The following SH3BP4 variants were observed in gnomAD, a reference collection of about 807,000 sequenced individuals.
The protein encoded by SH3BP4 is SH3 domain-binding protein 4.
In SH3BP4, 33 loss-of-function variants were observed where a neutral mutation model predicts 65.5. The observed-to-expected ratio is 0.50, with a 90% CI of 0.38 to 0.67. The LOEUF (loss-of-function observed/expected upper bound fraction) is 0.67, where lower values mean the gene tolerates loss of function less well. Ranked by LOEUF, SH3BP4 falls within the 30% of genes least tolerant of loss-of-function variation. SH3BP4 has a pLI of 0.00. For missense variants in SH3BP4, 1,134 were observed against 1,261.4 expected, an observed-to-expected ratio of 0.90 and a Z score of 1.53; for synonymous variants, 552 against 545.5, an observed-to-expected ratio of 1.01 and a Z score of -0.17.
At chr2:234,984,383 A>G (rs758334213) in intron 1 of SH3BP4, among the ~76,000 whole-genome samples, 32 of 150,726 alleles carry the variant, frequency 2.1e-4, no homozygotes, top group Non-Finnish European at 3.7e-4. Flanking sequence ...TTTTTTTTTA[A>G]CTTTTTGTAG....
Position 235,042,196 on chromosome 2 carries a change from T to C in SH3BP4, c.1427T>C (p.Val476Ala). 1 of 1,614,066 alleles carries C rather than the reference T, an allele frequency of 6.2e-7. No individual in the cohort carries two copies. Among genetic ancestry groups the C allele is most frequent in the Non-Finnish European group, 8.5e-7 (1 of 1,180,028 alleles). ...VWDFINKKVT[V>A]GLYGPKHIHP... is the part of the protein sequence containing the mutation. The stretch of plus-strand genomic sequence containing the variant: ...GACTTCATCAATAAAAAAGTCACAG[T>C]GGGTCTCTACGGCCCTAAACACATC... The change falls in exon 4 of 6, where the codon GTG becomes GCG. Residue 476 changes from valine (V) to alanine (A), a missense_variant. Transcript: ENST00000392011. The surrounding 1 kb of genome is among the most constrained non-coding windows in gnomAD (Gnocchi z 7.3).
chr2:234,960,388 A>G (rs1398724960), intron 1 of SH3BP4, among the ~76,000 whole-genome samples: 1 of 152,222 alleles, frequency 6.6e-6, no homozygotes, highest in Admixed American at 6.5e-5. Context: ...TTCAGTACAG[A>G]GCAGCAGCCA....
At position 235,026,845 on chromosome 2, in the gene SH3BP4, G is replaced by T. The variant is rs578103140; in HGVS notation, c.-132-8026G>T. 1.3e-4 allele frequency among the ~76,000 whole-genome samples: 20 copies of T among 152,244 alleles called. No homozygotes were observed. The highest frequency in any genetic ancestry group is 3.9e-4 in the East Asian group (2 of 5,158). The stretch of plus-strand genomic sequence containing the variant: ...CTGTGAGTGAGTCTGATCGGCTGGC[G>T]TGCCTGTCGGTGGCTGCCCATGCCT... On this transcript the variant is annotated intron_variant, in intron 2 of 5. Transcript: ENST00000392011. The surrounding 1 kb of genome is among the most constrained non-coding windows in gnomAD (Gnocchi z 4.6).
intron 4 of SH3BP4, among the ~76,000 whole-genome samples, chr2:235,051,269 C>T (rs912608314): frequency 6.6e-6 from 1 of 152,136 alleles, no homozygotes; most frequent in African/African-American, 2.4e-5. Context: ...TGTGACTTGG[C>T]ACAGTGTACA....
chr2:234,990,835 C>T (rs558140434), intron 1 of SH3BP4, among the ~76,000 whole-genome samples: 1 of 152,330 alleles, frequency 6.6e-6, no homozygotes, highest in Non-Finnish European at 1.5e-5. Flanking sequence ...CCTTCTGAGG[C>T]TGAGGGAGAA....
chr2:235,002,317 A>G (rs901074179), intron 2 of SH3BP4, among the ~76,000 whole-genome samples: 16 of 152,200 alleles, frequency 1.1e-4, no homozygotes, highest in African/African-American at 2.7e-4. Context: ...TAGTTTGCCA[A>G]GCTGTCTTGG....
chr2:234,972,353 G>A (rs1285869970), intron 1 of SH3BP4, among the ~76,000 whole-genome samples: 2 of 151,762 alleles, frequency 1.3e-5, no homozygotes, highest in Non-Finnish European at 2.9e-5. Flanking sequence ...GGTTGGTCTC[G>A]GACTCCTGAC....
chr2:235,024,738 C>T (rs915185159), intron 2 of SH3BP4, among the ~76,000 whole-genome samples: 2 of 152,008 alleles, frequency 1.3e-5, no homozygotes, highest in Admixed American at 6.5e-5. Context: ...TTAATGTGTA[C>T]TAGAAAAGAT....
intron 2 of SH3BP4, among the ~76,000 whole-genome samples, chr2:235,012,723 C>A (rs1015652977): frequency 6.6e-6 from 1 of 152,210 alleles, no homozygotes; most frequent in Non-Finnish European, 1.5e-5. Flanking sequence ...CCCTAAAATG[C>A]GTTTCCATCT....
intron 4 of SH3BP4, among the ~76,000 whole-genome samples, chr2:235,047,003 G>A (rs944417298): frequency 2.6e-5 from 4 of 152,178 alleles, no homozygotes; most frequent in Admixed American, 2.6e-4. Flanking sequence ...CAGAGCCTCT[G>A]TCCGTGATGG....
Position 235,041,181 on chromosome 2 carries a change from G to A in SH3BP4, c.412G>A (p.Glu138Lys). The change falls in exon 4 of 6, where the codon GAG (glutamate) becomes AAG (lysine). Residue 138 changes from glutamate to lysine, a missense_variant. By Grantham distance (56) the Glu-to-Lys change is moderately conservative (BLOSUM62 1). Transcript: ENST00000392011. The surrounding 1 kb of genome is among the most constrained non-coding windows in gnomAD (Gnocchi z 6.0). ...AGACAGCCCAGACGAGGTAGCCAAG[G>A]AGCTGGAGCTGCTCGGGGGATGGAC... The part of the protein sequence containing the change: ...LPDSPDEVAK[E>K]LELLGGWTDD... 10 of 1,614,148 alleles carry A rather than the reference G, an allele frequency of 6.2e-6. No individual in the cohort carries two copies. The highest frequency in any genetic ancestry group is 8.5e-6 in the Non-Finnish European group (10 of 1,180,028).
intron 1 of SH3BP4, chr2:234,981,538 G>C (rs1282297029): frequency 6.6e-6 from 1 of 152,328 alleles, no homozygotes; most frequent in East Asian, 1.9e-4. Flanking sequence ...CGGGTCTGGG[G>C]AGAATTTGCC....
chr2:235,054,329 T>C lies in SH3BP4; in HGVS notation c.*513T>C, dbSNP rs551571305. 3.8e-4 allele frequency: 58 copies of C among 154,338 alleles called. 1 individual carries two copies. In the South Asian group the frequency reaches 0.012, roughly 31 times the overall value. The allele number at this position is 154,338 out of a possible 1,614,324, so 9.6% of individuals were successfully genotyped here. A position where few individuals can be genotyped will look rare whatever the true frequency, so the allele number is the denominator to read the frequency against. ...TGTTGGACCTCTTTCACTCCCTGCG[T>C]GTAAGAAGGTGAATCACGTGGGAAA... is the stretch of plus-strand genomic sequence containing the variant. On this transcript the variant is annotated 3_prime_UTR_variant, in exon 6 of 6. Coordinates refer to ENST00000392011, the MANE Select transcript of SH3BP4 (RefSeq NM_014521.3).
chr2:234,994,605 TGAG>T (rs1693855145), intron 1 of SH3BP4: 1 of 152,150 alleles, frequency 6.6e-6, no homozygotes, highest in African/African-American at 2.4e-5. Context: ...CCGTGTGACT[TGAG>T]GAGGAGACCC....
At position 234,986,811 on chromosome 2, in the gene SH3BP4, T is replaced by TA. The variant is rs202079052; in HGVS notation, c.-206-8492_-206-8491insA. Among the ~76,000 whole-genome samples, 31 of 130,554 alleles carry TA rather than the reference T, an allele frequency of 2.4e-4. 1 individual carries two copies. The highest frequency in any genetic ancestry group is 3.6e-4 in the African/African-American group (12 of 33,264). 85.6% of individuals were successfully genotyped at this position (130,554 alleles called of 152,430 possible). On this transcript the variant is annotated intron_variant, in intron 1 of 5. Transcript: ENST00000392011. ...GGATACATTATGCTAATGATTTTAT[T>TA]TTTTTTTTTTTTGATGAAGTTTCAC...
chr2:234,987,421 T>C (rs962861528), intron 1 of SH3BP4, among the ~76,000 whole-genome samples: 2 of 152,110 alleles, frequency 1.3e-5, no homozygotes, highest in African/African-American at 4.8e-5. Flanking sequence ...TGATGTACGT[T>C]AGAGCCCCAT....
Position 235,053,927 on chromosome 2 carries a change from T to G in SH3BP4, c.*111T>G, listed in dbSNP as rs955284462. The G allele has an allele frequency of 1.1e-5, 9 of 835,392 alleles. No homozygotes were observed. Among genetic ancestry groups the G allele is most frequent in the Non-Finnish European group, 1.7e-5 (9 of 522,446 alleles). The allele number at this position is 835,392 out of a possible 1,614,324, so 51.7% of individuals were successfully genotyped here. A position where few individuals can be genotyped will look rare whatever the true frequency, so the allele number is the denominator to read the frequency against. ...AGGAAGGGGCGGCTGCTCAGACAGA[T>G]TTAGGGCCCGCCAGCTAGGCTACAC... On this transcript the variant is annotated 3_prime_UTR_variant, in exon 6 of 6. Coordinates refer to ENST00000392011, the MANE Select transcript of SH3BP4 (RefSeq NM_014521.3).
At chr2:234,959,009 G>A (rs559527362) in intron 1 of SH3BP4, among the ~76,000 whole-genome samples, 2 of 152,226 alleles carry the variant, frequency 1.3e-5, no homozygotes, top group South Asian at 4.1e-4. Flanking sequence ...TGCTGAGAGG[G>A]AAGCATTGGG....
At chr2:234,990,750 G>T (rs770481828) in intron 1 of SH3BP4, among the ~76,000 whole-genome samples, 2 of 152,236 alleles carry the variant, frequency 1.3e-5, no homozygotes, top group Non-Finnish European at 2.9e-5. Context: ...CTGCTGGGTG[G>T]TTTGCACAGT....
Sources: allele counts gnomAD v4.1 joint callset (sites outside exome capture counted in the v4.1 genomes callset), GRCh38; gene constraint gnomAD v4.1.1; non-coding constraint Gnocchi (gnomAD v3.1); transcripts MANE v1.5; gene names NCBI Gene and HGNC (gene_info 2026-07-23, HGNC 2026-07-21).